FBXO21: variants seen among roughly 807,000 people sequenced by gnomAD.
FBXO21 encodes the protein F-box protein 21, also known as F-box only protein 21.
In FBXO21, 32 loss-of-function variants were observed where a neutral mutation model predicts 76.6. The observed-to-expected ratio is 0.42, with a 90% CI of 0.32 to 0.56. The LOEUF (loss-of-function observed/expected upper bound fraction) is 0.56. Ranked by LOEUF, FBXO21 falls within the 20% of genes least tolerant of loss-of-function variation. FBXO21 has a pLI of 0.16. For synonymous variants in FBXO21, 328 were observed against 311.5 expected (o/e 1.05, Z -0.56); for missense variants, 586 against 797.3 (o/e 0.73, Z 3.19).
At chr12:117,175,642 C>T (rs1235142763) in intron 4 of FBXO21, among the ~76,000 whole-genome samples, 3 of 152,310 alleles carry the variant, frequency 2.0e-5, no homozygotes, top group East Asian at 3.9e-4. Flanking sequence ...CCTCGGCCTC[C>T]GAGGGCCCCA....
chr12:117,178,493 C>T (rs10161089), intron 3 of FBXO21, among the ~76,000 whole-genome samples: 30,233 of 151,878 alleles, frequency 0.2, 3,407 homozygotes, highest in East Asian at 0.43. Context: ...AAGTCTCCAG[C>T]GGTTTCCCAC....
intron 11 of FBXO21, among the ~76,000 whole-genome samples, chr12:117,151,098 T>C (rs748209441): frequency 9.2e-5 from 14 of 152,052 alleles, no homozygotes; most frequent in Non-Finnish European, 1.8e-4. Flanking sequence ...ACATGCCATG[T>C]GCCAAGCATT....
intron 7 of FBXO21, among the ~76,000 whole-genome samples, chr12:117,168,632 G>A (rs1352274817): frequency 1.3e-5 from 2 of 152,054 alleles, no homozygotes; most frequent in Non-Finnish European, 2.9e-5. Flanking sequence ...CTTTTTATGA[G>A]GCTAGAACTT....
rs1025834987 is a variant in FBXO21 at position 117,145,143 on chromosome 12, G to A, written c.*944C>T. 1 of 119,270 alleles carries A rather than the reference G, an allele frequency of 8.4e-6. No homozygotes were observed. The highest frequency in any genetic ancestry group is 1.7e-5 in the Non-Finnish European group (1 of 58,406). The allele number at this position is 119,270 out of a possible 1,614,324, so 7.4% of individuals were successfully genotyped here. On this transcript the variant is annotated 3_prime_UTR_variant, in exon 12 of 12. Transcript: ENST00000622495. ...AGCAAAACCTCATTTTTTGGTCTTT[G>A]AAGACCATGGAGTATGACTTCTAAG... is the stretch of plus-strand genomic sequence containing the variant.
At chr12:117,189,084 A>T in intron 2 of FBXO21, 143 bp downstream of exon 2, 1 of 875,008 alleles carries the variant, frequency 1.1e-6, no homozygotes. Context: ...GGACACAATG[A>T]CTCTTGCAGC....
chr12:117,154,965 T>A (rs969541919), intron 11 of FBXO21: 3 of 152,224 alleles, frequency 2.0e-5, no homozygotes, highest in Non-Finnish European at 4.4e-5. Context: ...GTGCCTCAGT[T>A]TCCTCACCTA....
At chr12:117,153,085 A>T (rs1226623908) in intron 11 of FBXO21, among the ~76,000 whole-genome samples, 1 of 152,010 alleles carries the variant, frequency 6.6e-6, no homozygotes, top group East Asian at 1.9e-4. Context: ...CAGTCAATTC[A>T]AGCAGCAAGT....
intron 9 of FBXO21, among the ~76,000 whole-genome samples, chr12:117,158,314 C>A (rs1955940269): frequency 6.6e-6 from 1 of 152,080 alleles, no homozygotes; most frequent in African/African-American, 2.4e-5. Context: ...CCCAATTCAA[C>A]CAGTGTCAAC....
rs888748751 is a variant in FBXO21 at position 117,165,569 on chromosome 12, G to A, written c.1242C>T (p.Leu414=). ...CCTGGTCCGGGTACATTGCCAGATA[G>A]AGATCCAGCGAGTCTCTCAGGAGCT... ...SYQLLRDSLD[L]YLAMYPDQVQ... is the part of the protein sequence containing the mutation. The change falls in exon 9 of 12, where the codon CTC becomes CTT. Residue 414 remains leucine, a synonymous_variant. Transcript: ENST00000622495. 1.8e-5 allele frequency: 29 copies of A among 1,613,852 alleles called. No individual in the cohort carries two copies. The highest frequency in any genetic ancestry group is 2.5e-5 in the Non-Finnish European group (29 of 1,179,808).
chr12:117,181,631 A>C (rs1956234478), intron 3 of FBXO21, among the ~76,000 whole-genome samples: 1 of 151,334 alleles, frequency 6.6e-6, no homozygotes, highest in African/African-American at 2.4e-5. Flanking sequence ...CTATCTATCT[A>C]TCTATCTATC....
intron 7 of FBXO21, among the ~76,000 whole-genome samples, chr12:117,167,330 A>C (rs1236984267): frequency 6.6e-6 from 1 of 152,228 alleles, no homozygotes; most frequent in African/African-American, 2.4e-5. Context: ...ACTCACTGCC[A>C]GGAGTATCTA....
intron 9 of FBXO21, 44 bp from the exon 10 acceptor site, chr12:117,158,107 A>G (rs1257635892): frequency 6.2e-7 from 1 of 1,610,880 alleles, no homozygotes; most frequent in South Asian, 1.1e-5. Flanking sequence ...ATTTTCAGCT[A>G]GGCCTTTTCT....
At chr12:117,162,280 T>A (rs1168938148) in intron 9 of FBXO21, among the ~76,000 whole-genome samples, 1 of 152,184 alleles carries the variant, frequency 6.6e-6, no homozygotes, top group African/African-American at 2.4e-5. Context: ...AGAAGGTGCC[T>A]GTGTGCTGGC....
chr12:117,189,076 A>G, intron 2 of FBXO21, 151 bp downstream of exon 2: 1 of 823,806 alleles, frequency 1.2e-6, no homozygotes, highest in Non-Finnish European at 1.9e-6. Context: ...GAGGAAAAGG[A>G]CACAATGACT....
Position 117,143,943 on chromosome 12 carries a change from A to T in FBXO21, c.*2144T>A, listed in dbSNP as rs1376931758. On this transcript the variant is annotated 3_prime_UTR_variant, in exon 12 of 12. Transcript: ENST00000622495. ...TTAAAATGGAGAAAAGTTTTGGAAA[A>T]TTTTTAAAAAGAAACTTATGATTTA... 6.5e-6 allele frequency: 1 copy of T among 152,674 alleles called. No individual in the cohort carries two copies. Among genetic ancestry groups the T allele is most frequent in the Non-Finnish European group, 1.5e-5 (1 of 68,048 alleles). The allele number at this position is 152,674 out of a possible 1,614,324, so 9.5% of individuals were successfully genotyped here. A position where few individuals can be genotyped will look rare whatever the true frequency, so the allele number is the denominator to read the frequency against.
intron 10 of FBXO21, among the ~76,000 whole-genome samples, chr12:117,156,611 G>A (rs1406400612): frequency 6.6e-6 from 1 of 152,168 alleles, no homozygotes; most frequent in African/African-American, 2.4e-5. Context: ...ATTAACCCAG[G>A]GAGGAAGGTC....
At chr12:117,187,861 G>A (rs1036879781) in intron 2 of FBXO21, among the ~76,000 whole-genome samples, 6 of 152,196 alleles carry the variant, frequency 3.9e-5, no homozygotes, top group African/African-American at 1.4e-4. Context: ...GATTATGAAT[G>A]CTTTTAGCCA....
chr12:117,172,730 G>A (rs1956129899), intron 6 of FBXO21, 123 bp from the exon 7 acceptor site: 1 of 1,009,508 alleles, frequency 9.9e-7, no homozygotes, highest in Non-Finnish European at 1.4e-6. Flanking sequence ...AGGCTTAAGT[G>A]AGTATTTCAC....
intron 3 of FBXO21, among the ~76,000 whole-genome samples, chr12:117,182,447 C>A (rs968948487): frequency 6.6e-6 from 1 of 151,948 alleles, no homozygotes; most frequent in African/African-American, 2.4e-5. Flanking sequence ...CATGATTGCA[C>A]CACTGTACTC....
Sources: gnomAD v4.1 joint callset for allele counts (sites outside exome capture counted in the v4.1 genomes callset) on GRCh38, gnomAD v4.1.1 for gene constraint, MANE v1.5 for transcripts, NCBI Gene and HGNC (gene_info 2026-07-23, HGNC 2026-07-21) for gene names.